HS6ST3: variants seen among roughly 807,000 people sequenced by gnomAD.
HS6ST3 encodes the protein heparan-sulfate 6-O-sulfotransferase 3.
In HS6ST3, 12 loss-of-function variants were observed where a neutral mutation model predicts 36.7. That is an observed-to-expected ratio of 0.33 (90% CI 0.21 to 0.53). The LOEUF (loss-of-function observed/expected upper bound fraction) is 0.53, where lower values mean the gene tolerates loss of function less well. Ranked by LOEUF, HS6ST3 falls within the 20% of genes least tolerant of loss-of-function variation. The pLI is 0.95. For missense variants in HS6ST3, 584 were observed against 640.9 expected (o/e 0.91, Z 0.96); for synonymous variants, 240 against 257.5 (o/e 0.93, Z 0.65).
chr13:96,299,386 C>T (rs1594746682), intron 1 of HS6ST3, among the ~76,000 whole-genome samples: 1 of 152,088 alleles, frequency 6.6e-6, no homozygotes, highest in African/African-American at 2.4e-5. Flanking sequence ...CAAGGAACTT[C>T]TAGATGTAGT....
intron 1 of HS6ST3, among the ~76,000 whole-genome samples, chr13:96,800,004 A>ATC (rs1878027224): frequency 8.1e-6 from 1 of 124,080 alleles, no homozygotes; most frequent in Non-Finnish European, 1.7e-5. Context: ...ATATGTATAT[A>ATC]TATATATATG....
chr13:96,798,762 G>T (rs1198275788), intron 1 of HS6ST3, among the ~76,000 whole-genome samples: 1 of 151,952 alleles, frequency 6.6e-6, no homozygotes, highest in Non-Finnish European at 1.5e-5. Context: ...AATCTGCTAG[G>T]GTTGCCATAA....
chr13:96,650,923 A>G (rs558359865), intron 1 of HS6ST3, among the ~76,000 whole-genome samples: 6 of 152,218 alleles, frequency 3.9e-5, no homozygotes, highest in African/African-American at 1.4e-4. Context: ...CTGTGATACT[A>G]CATCACAGAA....
At chr13:96,531,806 C>T (rs894674627) in intron 1 of HS6ST3, among the ~76,000 whole-genome samples, 1 of 152,226 alleles carries the variant, frequency 6.6e-6, no homozygotes, top group Admixed American at 6.5e-5. Flanking sequence ...TGCCAGTCAT[C>T]ACTGTTGGGG....
intron 1 of HS6ST3, among the ~76,000 whole-genome samples, chr13:96,831,954 CAAAAAA>C (rs35266831): frequency 6.4e-4 from 14 of 21,854 alleles, no homozygotes; most frequent in African/African-American, 2.0e-3. Context: ...GACTCCCTCT[CAAAAAA>C]AAAAAAAAAA....
At chr13:96,580,049 T>G (rs1773197589) in intron 1 of HS6ST3, among the ~76,000 whole-genome samples, 1 of 152,072 alleles carries the variant, frequency 6.6e-6, no homozygotes, top group African/African-American at 2.4e-5. Flanking sequence ...TACCTTAAGA[T>G]TTAAACTAAT....
Position 96,250,127 on chromosome 13 carries a change from A to T in HS6ST3, c.707+158558A>T, listed in dbSNP as rs545652309. On this transcript the variant is annotated intron_variant, in intron 1 of 1. Coordinates refer to ENST00000376705, the MANE Select transcript of HS6ST3 (RefSeq NM_153456.4). ...AATATTTTACCGCAATAAATGATTT[A>T]AAAATTCTATAGATAGAAGCTGTAT... 2.0e-5 allele frequency among the ~76,000 whole-genome samples: 3 copies of T among 152,342 alleles called. No individual in the cohort carries two copies. The South Asian group carries it at 6.2e-4, about 32-fold the overall frequency.
At chr13:96,800,156 A>G (rs1440254404) in intron 1 of HS6ST3, among the ~76,000 whole-genome samples, 2 of 150,758 alleles carry the variant, frequency 1.3e-5, no homozygotes, top group East Asian at 1.9e-4. Context: ...CAGATCAAAT[A>G]TATAAGATGC....
rs59537946 is a variant in HS6ST3, at chr13:96,548,818, C to T, written c.708-283672C>T. ...GTGTCAGCCTTTTGTTCTGTGTAGACTTTCAGCTCACCCACGTGAGAGAGG... is the reference window on the plus strand; with the variant it reads ...GTGTCAGCCTTTTGTTCTGTGTAGATTTTCAGCTCACCCACGTGAGAGAGG... On this transcript the variant is annotated intron_variant, in intron 1 of 1. Transcript: ENST00000376705. 4.4e-3 allele frequency among the ~76,000 whole-genome samples: 668 copies of T among 152,222 alleles called. 6 individuals are homozygous for T. The highest frequency in any genetic ancestry group is 0.015 in the African/African-American group (640 of 41,534).
At chr13:96,501,653 C>T (rs2056004816) in intron 1 of HS6ST3, among the ~76,000 whole-genome samples, 1 of 152,232 alleles carries the variant, frequency 6.6e-6, no homozygotes, top group Non-Finnish European at 1.5e-5. Flanking sequence ...TTCCTTTCTT[C>T]TACCCTGAAT....
intron 1 of HS6ST3, among the ~76,000 whole-genome samples, chr13:96,701,136 G>C (rs919329384): frequency 4.6e-5 from 7 of 152,174 alleles, no homozygotes; most frequent in Admixed American, 1.3e-4. Flanking sequence ...TAAATAGTTG[G>C]ATTGATCTGT....
At chr13:96,789,399 A>G (rs1056033672) in intron 1 of HS6ST3, among the ~76,000 whole-genome samples, 2 of 151,772 alleles carry the variant, frequency 1.3e-5, no homozygotes, top group African/African-American at 4.8e-5. Context: ...GCTTTCAGTT[A>G]TCATTGAAAT....
chr13:96,714,022 T>C (rs1181472987), intron 1 of HS6ST3, among the ~76,000 whole-genome samples: 1 of 152,062 alleles, frequency 6.6e-6, no homozygotes, highest in Non-Finnish European at 1.5e-5. Context: ...TTATACTATG[T>C]CCAAAATAGC....
At chr13:96,413,249 A>G (rs2055517080) in intron 1 of HS6ST3, among the ~76,000 whole-genome samples, 1 of 152,190 alleles carries the variant, frequency 6.6e-6, no homozygotes, top group Non-Finnish European at 1.5e-5. Context: ...AGTATTATTT[A>G]TTGATTAGAT....
intron 1 of HS6ST3, among the ~76,000 whole-genome samples, chr13:96,504,729 C>G (rs1000453841): frequency 6.6e-6 from 1 of 151,916 alleles, no homozygotes; most frequent in African/African-American, 2.4e-5. Context: ...CTTCTTTTCC[C>G]CCTCTTCAGA....
intron 1 of HS6ST3, among the ~76,000 whole-genome samples, chr13:96,557,959 A>C (rs1375032191): frequency 6.6e-6 from 1 of 152,156 alleles, no homozygotes; most frequent in African/African-American, 2.4e-5. Flanking sequence ...TAGCTACCTC[A>C]CAAGGTTAGC....
chr13:96,597,109 G>A (rs2056404463), intron 1 of HS6ST3, among the ~76,000 whole-genome samples: 1 of 152,088 alleles, frequency 6.6e-6, no homozygotes, highest in African/African-American at 2.4e-5. Flanking sequence ...AATACCACAT[G>A]TTCTCACTTT....
intron 1 of HS6ST3, among the ~76,000 whole-genome samples, chr13:96,264,489 G>A (rs752530399): frequency 2.0e-5 from 3 of 152,312 alleles, no homozygotes; most frequent in East Asian, 3.9e-4. Flanking sequence ...CACACAGCCC[G>A]TGGACCATAG....
chr13:96,491,542 G>A (rs1426377593), intron 1 of HS6ST3, among the ~76,000 whole-genome samples: 1 of 150,746 alleles, frequency 6.6e-6, no homozygotes, highest in Non-Finnish European at 1.5e-5. Context: ...GGAGTGTGGT[G>A]AAAATGGGGG....
Sources: gnomAD v4.1 joint callset for allele counts (sites outside exome capture counted in the v4.1 genomes callset) on GRCh38, gnomAD v4.1.1 for gene constraint, MANE v1.5 for transcripts, NCBI Gene and HGNC (gene_info 2026-07-23, HGNC 2026-07-21) for gene names.